SCRG1: variants seen among roughly 807,000 people sequenced by gnomAD.
SCRG1 encodes scrapie-responsive protein 1.
Under a neutral mutation model 7.7 loss-of-function variants are expected in SCRG1, and 3 were observed. The observed-to-expected ratio is 0.39, with a 90% CI of 0.18 to 1.01. The LOEUF is 1.01. Ranked by LOEUF, SCRG1 falls within the 50% of genes least tolerant of loss-of-function variation. SCRG1 has a pLI of 0.36. For missense variants in SCRG1, 110 were observed against 117.2 expected, an observed-to-expected ratio of 0.94 and a Z score of 0.28; for synonymous variants, 46 against 41.2, an observed-to-expected ratio of 1.12 and a Z score of -0.44.
the SCRG1 span, among the ~76,000 whole-genome samples, chr4:173,465,895 C>T: frequency 3.3e-5 from 5 of 152,172 alleles, no homozygotes; most frequent in South Asian, 2.1e-4. Context: ...TTCTGTGCTT[C>T]GACCTTACCT....
chr4:173,467,534 G>A, the SCRG1 span, among the ~76,000 whole-genome samples: 17 of 152,154 alleles, frequency 1.1e-4, no homozygotes, highest in Admixed American at 1.1e-3. Context: ...CCAGATTTTT[G>A]TCTTGGATTG....
At chr4:173,454,287 T>C in the SCRG1 span, among the ~76,000 whole-genome samples, 144 of 152,132 alleles carry the variant, frequency 9.5e-4, no homozygotes, top group Non-Finnish European at 1.7e-3. Flanking sequence ...AGGTTAGGAT[T>C]GGTTTCTGGA....
At chr4:173,415,117 G>C in the SCRG1 span, among the ~76,000 whole-genome samples, 723 of 152,328 alleles carry the variant, frequency 4.7e-3, 7 homozygotes, top group African/African-American at 0.016. Context: ...TGGAGAGTTG[G>C]CAGAAGGACT....
chr4:173,487,645 T>C, the SCRG1 span, among the ~76,000 whole-genome samples: 1 of 152,182 alleles, frequency 6.6e-6, no homozygotes, highest in African/African-American at 2.4e-5. Flanking sequence ...CAAAAGGCAA[T>C]TGAGATGTGA....
At chr4:173,419,171 C>A in the SCRG1 span, 1 of 325,636 alleles carries the variant, frequency 3.1e-6, no homozygotes, top group African/African-American at 2.2e-5. Context: ...TCCAGCTCTA[C>A]CTCTTCCATC....
chr4:173,470,531 T>C, the SCRG1 span, among the ~76,000 whole-genome samples: 1 of 152,206 alleles, frequency 6.6e-6, no homozygotes, highest in African/African-American at 2.4e-5. Flanking sequence ...AAGACCCAAA[T>C]TGGATCACTT....
chr4:173,484,769 T>C, the SCRG1 span, among the ~76,000 whole-genome samples: 3 of 87,968 alleles, frequency 3.4e-5, no homozygotes, highest in African/African-American at 1.7e-4. Flanking sequence ...TAATACATAT[T>C]ATATATTATA....
the SCRG1 span, among the ~76,000 whole-genome samples, chr4:173,511,477 ACTTTCT>A: frequency 1.3e-5 from 2 of 151,902 alleles, no homozygotes; most frequent in African/African-American, 2.4e-5. This position sits in a 1 kb window ranked among gnomAD's most constrained non-coding sequence, Gnocchi z 5.2. Context: ...TTCTGCTGCA[ACTTTCT>A]CTTTATTTAT....
At chr4:173,455,646 G>A in the SCRG1 span, among the ~76,000 whole-genome samples, 9 of 152,040 alleles carry the variant, frequency 5.9e-5, no homozygotes, top group Non-Finnish European at 1.3e-4. Flanking sequence ...AGTGAATATC[G>A]CAGGCTCATG....
the SCRG1 span, among the ~76,000 whole-genome samples, chr4:173,434,016 T>G: frequency 6.6e-6 from 1 of 152,210 alleles, no homozygotes; most frequent in South Asian, 2.1e-4. Context: ...TGTAATAAAC[T>G]TCCCATATCA....
chr4:173,517,154 C>T, the SCRG1 span, among the ~76,000 whole-genome samples: 36 of 152,204 alleles, frequency 2.4e-4, no homozygotes, highest in African/African-American at 7.7e-4. Flanking sequence ...CCGGGAGGCT[C>T]GGGGCTCGGG....
the SCRG1 span, among the ~76,000 whole-genome samples, chr4:173,488,436 C>A: frequency 1.3e-5 from 2 of 152,112 alleles, no homozygotes; most frequent in South Asian, 4.1e-4. Flanking sequence ...CATGGAAGAA[C>A]ATGAGGATGT....
chr4:173,475,664 C>T, the SCRG1 span, among the ~76,000 whole-genome samples: 2 of 152,112 alleles, frequency 1.3e-5, no homozygotes, highest in African/African-American at 4.8e-5. Flanking sequence ...GCATCATTCA[C>T]AATAGTCAAA....
chr4:173,494,541 G>A, the SCRG1 span, among the ~76,000 whole-genome samples: 1 of 152,250 alleles, frequency 6.6e-6, no homozygotes, highest in Non-Finnish European at 1.5e-5. Context: ...TCCAGCTCTA[G>A]CAGGGGTTGA....
chr4:173,408,991 C>CAAAAAAAAAAAAAAAAAAAAAAAAAA (rs991902394), upstream of SCRG1, among the ~76,000 whole-genome samples: 2 of 51,262 alleles, frequency 3.9e-5, no homozygotes, highest in Non-Finnish European at 9.0e-5. Flanking sequence ...GACTCAGTCT[C>CAAAAAAAAAAAAAAAAAAAAAAAAAA]AAAAAAAAAA....
At chr4:173,427,175 G>C in the SCRG1 span, among the ~76,000 whole-genome samples, 1 of 152,186 alleles carries the variant, frequency 6.6e-6, no homozygotes, top group Non-Finnish European at 1.5e-5. Flanking sequence ...GCACCCCAGA[G>C]CTGGGCTTCA....
the SCRG1 span, among the ~76,000 whole-genome samples, chr4:173,431,980 G>C: frequency 1.3e-5 from 2 of 152,182 alleles, no homozygotes; most frequent in Non-Finnish European, 2.9e-5. Context: ...AATTCAAACT[G>C]TTTGCTTAAG....
chr4:173,433,342 T>C, the SCRG1 span, among the ~76,000 whole-genome samples: 34 of 152,344 alleles, frequency 2.2e-4, 1 homozygote, highest in South Asian at 7.0e-3. Context: ...CTCCAAATTG[T>C]AAAGATAGTT....
At chr4:173,486,230 T>C in the SCRG1 span, among the ~76,000 whole-genome samples, 2 of 152,212 alleles carry the variant, frequency 1.3e-5, no homozygotes, top group African/African-American at 2.4e-5. Flanking sequence ...AGCAATTTCA[T>C]CTGAAACTTC....
Sources: allele counts gnomAD v4.1 joint callset (sites outside exome capture counted in the v4.1 genomes callset), GRCh38; gene constraint gnomAD v4.1.1; non-coding constraint Gnocchi (gnomAD v3.1); transcripts MANE v1.5; gene names NCBI Gene and HGNC (gene_info 2026-07-23, HGNC 2026-07-21).